The following PARD3 variants were observed in gnomAD, a reference collection of about 807,000 sequenced individuals.
PARD3 encodes par-3 family cell polarity regulator.
Under a neutral mutation model 155.4 loss-of-function variants are expected in PARD3, and 75 were observed. The observed-to-expected ratio is 0.48, with a 90% CI of 0.40 to 0.58. The LOEUF is 0.58. Among genes scored for constraint, PARD3 ranks in the 20% least tolerant of loss-of-function variants. The pLI, the probability that PARD3 is intolerant of heterozygous loss-of-function variation, is 0.00. For synonymous variants in PARD3, 576 were observed against 610.5 expected (o/e 0.94, Z 0.83); for missense variants, 1,642 against 1,721.7 (o/e 0.95, Z 0.82).
intron 1 of PARD3, among the ~76,000 whole-genome samples, chr10:34,772,371 T>C (rs1838989495): frequency 6.6e-6 from 1 of 152,036 alleles, no homozygotes. Context: ...CTTGCATTCC[T>C]CGAATAAAAG....
intron 1 of PARD3, among the ~76,000 whole-genome samples, chr10:34,697,357 T>C (rs1426506887): frequency 6.6e-6 from 1 of 152,180 alleles, no homozygotes; most frequent in Non-Finnish European, 1.5e-5. Flanking sequence ...TACCTAAAGA[T>C]GATGTTTGAT....
At chr10:34,772,100 C>T (rs1484944528) in intron 1 of PARD3, among the ~76,000 whole-genome samples, 2 of 152,180 alleles carry the variant, frequency 1.3e-5, no homozygotes, top group Non-Finnish European at 2.9e-5. Context: ...ACTCACAAAT[C>T]CAGAATGCCC....
At chr10:34,453,123 G>A (rs1383771787) in intron 4 of PARD3, among the ~76,000 whole-genome samples, 2 of 152,192 alleles carry the variant, frequency 1.3e-5, no homozygotes, top group African/African-American at 2.4e-5. Context: ...AGGTAGACCA[G>A]AGGGAATTTC....
At chr10:34,768,170 G>A (rs549309812) in intron 1 of PARD3, among the ~76,000 whole-genome samples, 4 of 152,184 alleles carry the variant, frequency 2.6e-5, no homozygotes, top group South Asian at 2.1e-4. Flanking sequence ...GACAGATCTC[G>A]GTCAATTTAG....
intron 2 of PARD3, among the ~76,000 whole-genome samples, chr10:34,528,513 G>C (rs1013182105): frequency 6.6e-6 from 1 of 152,082 alleles, no homozygotes; most frequent in African/African-American, 2.4e-5. Context: ...ACTCCTCTGG[G>C]CTCAGTAGTG....
At chr10:34,245,480 AACAG>A (rs1953885653) in intron 22 of PARD3, among the ~76,000 whole-genome samples, 1 of 152,118 alleles carries the variant, frequency 6.6e-6, no homozygotes, top group South Asian at 2.1e-4. Context: ...TTAGAAAGGT[AACAG>A]ACAGGACTAA....
intron 1 of PARD3, among the ~76,000 whole-genome samples, chr10:34,737,753 T>A (rs979547799): frequency 6.6e-6 from 1 of 152,190 alleles, no homozygotes; most frequent in East Asian, 1.9e-4. Context: ...TTCAGAGCCG[T>A]GAGAAATAAA....
At chr10:34,485,449 C>T (rs971122144) in intron 3 of PARD3, among the ~76,000 whole-genome samples, 1 of 152,098 alleles carries the variant, frequency 6.6e-6, no homozygotes, top group African/African-American at 2.4e-5. Flanking sequence ...TGATTTTATA[C>T]ATTTTAGGGG....
intron 4 of PARD3, among the ~76,000 whole-genome samples, chr10:34,450,686 A>G (rs1318941938): frequency 6.6e-6 from 1 of 152,160 alleles, no homozygotes; most frequent in Non-Finnish European, 1.5e-5. Context: ...CACACACGGC[A>G]CACAACAGAC....
intron 22 of PARD3, among the ~76,000 whole-genome samples, chr10:34,240,149 C>G (rs1050654408): frequency 1.3e-5 from 2 of 152,126 alleles, no homozygotes; most frequent in Non-Finnish European, 2.9e-5. Context: ...AGAGGTTAAG[C>G]AACTTGATCG....
At chr10:34,808,759 T>G (rs1241408446) in intron 1 of PARD3, among the ~76,000 whole-genome samples, 1 of 152,162 alleles carries the variant, frequency 6.6e-6, no homozygotes, top group Non-Finnish European at 1.5e-5. Flanking sequence ...GTCTGTGGGT[T>G]TGCATCCAAG....
intron 23 of PARD3, among the ~76,000 whole-genome samples, chr10:34,126,109 T>G (rs1026224625): frequency 3.9e-5 from 6 of 152,234 alleles, no homozygotes; most frequent in Non-Finnish European, 7.4e-5. Context: ...TGGCACTACG[T>G]GAGGAAGAAG....
chr10:34,243,872 T>C (rs1020559547), intron 22 of PARD3, among the ~76,000 whole-genome samples: 6 of 152,180 alleles, frequency 3.9e-5, no homozygotes, highest in African/African-American at 1.4e-4. Flanking sequence ...AATATATGTA[T>C]AATACTGCAA....
At chr10:34,520,043 A>G (rs1244095720) in intron 2 of PARD3, among the ~76,000 whole-genome samples, 1 of 152,056 alleles carries the variant, frequency 6.6e-6, no homozygotes, top group African/African-American at 2.4e-5. Flanking sequence ...CCTGCCTCCA[A>G]TCCAAGCTTT....
At chr10:34,444,738 T>G (rs1266587142) in intron 5 of PARD3, among the ~76,000 whole-genome samples, 2 of 152,214 alleles carry the variant, frequency 1.3e-5, no homozygotes, top group African/African-American at 4.8e-5. Flanking sequence ...GAAAGAAGAT[T>G]CACTATCCCC....
At chr10:34,233,998 A>G (rs533477667) in intron 22 of PARD3, among the ~76,000 whole-genome samples, 12 of 152,208 alleles carry the variant, frequency 7.9e-5, no homozygotes, top group Admixed American at 3.3e-4. Context: ...CCAAGCCCCT[A>G]TACTAAATCT....
intron 1 of PARD3, among the ~76,000 whole-genome samples, chr10:34,721,680 A>G (rs1267859437): frequency 3.3e-5 from 5 of 152,216 alleles, no homozygotes; most frequent in Non-Finnish European, 7.3e-5. Context: ...GAGACATAAG[A>G]TTCCCAGCTC....
At chr10:34,437,605 TA>T (rs2076252576) in intron 5 of PARD3, among the ~76,000 whole-genome samples, 1 of 152,138 alleles carries the variant, frequency 6.6e-6, no homozygotes, top group Non-Finnish European at 1.5e-5. Context: ...TTTGGGGTCT[TA>T]AATTAACAGT....
At chr10:34,326,125 TAAA>T (rs979390862) in intron 19 of PARD3, among the ~76,000 whole-genome samples, 4 of 108,876 alleles carry the variant, frequency 3.7e-5, no homozygotes, top group African/African-American at 3.3e-5. Flanking sequence ...ACACTCTTTC[TAAA>T]AAAAAAAAAA....
Sources: allele counts gnomAD v4.1 joint callset (sites outside exome capture counted in the v4.1 genomes callset), GRCh38; gene constraint gnomAD v4.1.1; transcripts MANE v1.5; gene names NCBI Gene and HGNC (gene_info 2026-07-23, HGNC 2026-07-21).